LRRK1: variants seen among roughly 807,000 people sequenced by gnomAD.
The protein encoded by LRRK1 is leucine-rich repeat serine/threonine-protein kinase 1.
A neutral mutation model predicts 209.1 loss-of-function variants in LRRK1; 113 were observed. The observed-to-expected ratio is 0.54, with a 90% CI of 0.46 to 0.63. LRRK1 has a LOEUF of 0.63. Ranked by LOEUF, LRRK1 falls within the 30% of genes least tolerant of loss-of-function variation. The probability of loss-of-function intolerance (pLI) is 0.00; values close to 1 mark genes in which losing one functional copy is unlikely to be tolerated. For synonymous variants in LRRK1, 1,144 were observed against 1,099.7 expected (o/e 1.04, Z -0.80); for missense variants, 2,284 against 2,632.2 (o/e 0.87, Z 2.89).
intron 6 of LRRK1, among the ~76,000 whole-genome samples, chr15:101,004,732 A>G (rs988423150): frequency 6.6e-6 from 1 of 152,192 alleles, no homozygotes; most frequent in South Asian, 2.1e-4. Flanking sequence ...CCTGAGGCTG[A>G]GCCCCTGCTC....
At chr15:101,004,767 C>G (rs967827415) in intron 6 of LRRK1, among the ~76,000 whole-genome samples, 1 of 152,208 alleles carries the variant, frequency 6.6e-6, no homozygotes, top group African/African-American at 2.4e-5. Flanking sequence ...GGCTCCAGCC[C>G]CAGCTCAGGG....
chr15:100,965,390 C>T (rs12909436), intron 2 of LRRK1, among the ~76,000 whole-genome samples: 106,980 of 152,036 alleles, frequency 0.7, 37,969 homozygotes, highest in Middle Eastern at 0.76. Flanking sequence ...TCAGGTCCTA[C>T]AGGTTTTTAA....
chr15:101,016,656 G>A (rs1243398328), intron 12 of LRRK1, among the ~76,000 whole-genome samples: 1 of 152,204 alleles, frequency 6.6e-6, no homozygotes, highest in East Asian at 1.9e-4. Flanking sequence ...CCATGGCATA[G>A]GGACTGACTG....
chr15:100,956,684 T>G (rs1252216138), intron 2 of LRRK1, among the ~76,000 whole-genome samples: 1 of 151,886 alleles, frequency 6.6e-6, no homozygotes, highest in Non-Finnish European at 1.5e-5. Flanking sequence ...AGGCTGGTCT[T>G]GAACTCCTGA....
chr15:101,058,216 G>A (rs748755766), intron 29 of LRRK1, 75 bp downstream of exon 29: 488 of 1,444,160 alleles, frequency 3.4e-4, no homozygotes, highest in Middle Eastern at 9.3e-4. Flanking sequence ...GAACACAGTC[G>A]ATGTTGACCA....
intron 20 of LRRK1, among the ~76,000 whole-genome samples, chr15:101,032,172 G>A (rs766514554): frequency 1.1e-4 from 16 of 152,192 alleles, no homozygotes; most frequent in African/African-American, 2.9e-4. Flanking sequence ...CTTATTGGCC[G>A]TTGGTATATC....
At chr15:100,943,142 C>T (rs1199991628) in intron 2 of LRRK1, among the ~76,000 whole-genome samples, 4 of 152,162 alleles carry the variant, frequency 2.6e-5, no homozygotes, top group African/African-American at 9.7e-5. Flanking sequence ...ATTTCACTTT[C>T]TTAAAATAGG....
chr15:101,043,855 A>G (rs950230927), intron 20 of LRRK1: 32 of 152,230 alleles, frequency 2.1e-4, no homozygotes, highest in African/African-American at 7.2e-4. Flanking sequence ...AAACAGTAGC[A>G]GGCATGTCCC....
At chr15:100,966,666 T>C (rs2030482205) in intron 2 of LRRK1, among the ~76,000 whole-genome samples, 1 of 152,204 alleles carries the variant, frequency 6.6e-6, no homozygotes, top group South Asian at 2.1e-4. Flanking sequence ...TTCCAACAAC[T>C]TGATTGGACC....
At chr15:100,938,413 A>G (rs939153371) in intron 2 of LRRK1, among the ~76,000 whole-genome samples, 3 of 151,744 alleles carry the variant, frequency 2.0e-5, no homozygotes, top group African/African-American at 7.3e-5. Flanking sequence ...CACCGCAAAC[A>G]TTTTTCATTT....
rs562848505 is a variant in LRRK1, at chr15:100,976,585, G to A, written c.261+2618G>A. On this transcript the variant is annotated intron_variant, in intron 3 of 33. Transcript: ENST00000388948. ...ATTCAATGCTACTAGGAAGGTACTA[G>A]GAATGTGTGCAGCCTCTTTGGAAGG... 9.6e-4 allele frequency among the ~76,000 whole-genome samples: 147 copies of A among 152,340 alleles called. 1 individual carries two copies. The highest frequency in any genetic ancestry group is 7.0e-3 in the South Asian group (34 of 4,824).
At chr15:100,989,513 A>G in intron 6 of LRRK1, 115 bp downstream of exon 6, 1 of 1,095,832 alleles carries the variant, frequency 9.1e-7, no homozygotes, top group Non-Finnish European at 1.3e-6. Flanking sequence ...ACAGGTCTGG[A>G]GATTGAGAAG....
At chr15:101,049,813 A>C (rs1475524468) in intron 23 of LRRK1, 30 bp downstream of exon 23, 1 of 1,600,442 alleles carries the variant, frequency 6.2e-7, no homozygotes, top group South Asian at 1.1e-5. Context: ...GCAAGCCCTC[A>C]TTCATGCTAA....
intron 32 of LRRK1, 114 bp from the exon 33 acceptor site, chr15:101,066,526 G>A (rs1295815139): frequency 1.0e-6 from 1 of 957,424 alleles, no homozygotes; most frequent in Non-Finnish European, 1.7e-6. Flanking sequence ...TAATCCCTTA[G>A]CAGAAACTGC....
chr15:101,058,616 A>ACGGGGG (rs971323179), intron 29 of LRRK1, among the ~76,000 whole-genome samples: 1 of 4,248 alleles, frequency 2.4e-4, no homozygotes, highest in African/African-American at 5.5e-4. Context: ...AGAAGGGGCA[A>ACGGGGG]CGGGGGGGGG....
intron 20 of LRRK1, among the ~76,000 whole-genome samples, chr15:101,033,662 C>T (rs1309054442): frequency 6.6e-6 from 1 of 152,144 alleles, no homozygotes; most frequent in Non-Finnish European, 1.5e-5. Flanking sequence ...TTATCCATTT[C>T]TCCATTGATG....
At position 101,063,744 on chromosome 15, in the gene LRRK1, T is replaced by G. The variant is rs1458121542; in HGVS notation, c.4914+1054T>G. 2.6e-5 allele frequency among the ~76,000 whole-genome samples: 4 copies of G among 152,024 alleles called. No homozygotes were observed. In the East Asian group the frequency reaches 7.7e-4, roughly 29 times the overall value. ...GGCCGGTGTGCTTGGTAAATGAGTA[T>G]TATTATTACTTCTGGATGGTCGCAA... is the stretch of plus-strand genomic sequence containing the variant. On this transcript the variant is annotated intron_variant, in intron 31 of 33. Transcript: ENST00000388948.
intron 2 of LRRK1, among the ~76,000 whole-genome samples, chr15:100,965,275 ACTT>A (rs780634091): frequency 6.6e-5 from 10 of 152,226 alleles, no homozygotes; most frequent in East Asian, 3.8e-4. Context: ...AGCTAAAATC[ACTT>A]CTTCTTGAAA....
chr15:100,931,626 C>T (rs1191108726), intron 2 of LRRK1, among the ~76,000 whole-genome samples: 1 of 152,138 alleles, frequency 6.6e-6, no homozygotes, highest in Non-Finnish European at 1.5e-5. Flanking sequence ...TTCAGGGCCT[C>T]GATCTGCTGG....
Sources: allele counts gnomAD v4.1 joint callset (sites outside exome capture counted in the v4.1 genomes callset), GRCh38; gene constraint gnomAD v4.1.1; transcripts MANE v1.5; gene names NCBI Gene and HGNC (gene_info 2026-07-23, HGNC 2026-07-21).